The following TMOD2 variants were observed in gnomAD, a reference collection of about 807,000 sequenced individuals.
The protein encoded by TMOD2 is tropomodulin 2, also known as tropomodulin-2.
A neutral mutation model predicts 39.9 loss-of-function variants in TMOD2; 22 were observed. The ratio of observed to expected loss-of-function variants is 0.55; its 90% CI spans 0.39 to 0.79. TMOD2 has a LOEUF of 0.79. Ranked by LOEUF, TMOD2 falls within the 30% of genes least tolerant of loss-of-function variation. The pLI, the probability that TMOD2 is intolerant of heterozygous loss-of-function variation, is 0.00. For synonymous variants in TMOD2, 123 were observed against 146.1 expected (o/e 0.84, Z 1.14); for missense variants, 386 against 413.3 (o/e 0.93, Z 0.57).
intron 1 of TMOD2, among the ~76,000 whole-genome samples, chr15:51,752,018 G>C (rs1166994062): frequency 1.3e-5 from 2 of 151,806 alleles, no homozygotes; most frequent in Admixed American, 1.3e-4. Context: ...GGGAGGGCGC[G>C]GTCTCCTGTC....
At chr15:51,788,676 C>G (rs1595873333) in intron 7 of TMOD2, among the ~76,000 whole-genome samples, 1 of 152,040 alleles carries the variant, frequency 6.6e-6, no homozygotes, top group African/African-American at 2.4e-5. Flanking sequence ...GCGGATCTCT[C>G]AAGCCAGAAG....
At chr15:51,803,938 A>G (rs1233420057) in intron 8 of TMOD2, among the ~76,000 whole-genome samples, 2 of 152,274 alleles carry the variant, frequency 1.3e-5, no homozygotes, top group Non-Finnish European at 2.9e-5. Context: ...CACCAACTGT[A>G]TAGACAAAGA....
At chr15:51,795,237 A>G (rs977775795) in intron 7 of TMOD2, among the ~76,000 whole-genome samples, 2 of 152,126 alleles carry the variant, frequency 1.3e-5, no homozygotes, top group Admixed American at 6.5e-5. Flanking sequence ...CCTGGCCAAC[A>G]TGGTGAAACC....
rs149315070 is a variant in TMOD2, at chr15:51,768,301, A to G, written c.166A>G (p.Thr56Ala). Residue 56 changes from threonine (T) to alanine (A), a missense_variant, in exon 3 of 10, where the codon ACA becomes GCA. Transcript: ENST00000249700. Reference protein sequence around the residue: ...LPAGFRQKDQTQKAATGPFDR... With the variant: ...LPAGFRQKDQAQKAATGPFDR... Reference sequence around the variant, plus strand: ...AGCTGGATTTCGACAGAAAGACCAGACACAGAAGGCAGCCACCGGCCCCTT... The same window carrying G: ...AGCTGGATTTCGACAGAAAGACCAGGCACAGAAGGCAGCCACCGGCCCCTT... 198 of 1,614,070 alleles carry G rather than the reference A, an allele frequency of 1.2e-4. No homozygotes were observed. The highest frequency in any genetic ancestry group is 1.6e-4 in the Non-Finnish European group (187 of 1,180,036).
chr15:51,761,724 T>TAA (rs74717096), intron 1 of TMOD2, among the ~76,000 whole-genome samples: 2 of 139,122 alleles, frequency 1.4e-5, no homozygotes, highest in African/African-American at 2.6e-5. Flanking sequence ...ACCCTGTCTT[T>TAA]AAAAAAAAAA....
At chr15:51,772,883 G>T (rs2055862778) in intron 3 of TMOD2, among the ~76,000 whole-genome samples, 1 of 152,124 alleles carries the variant, frequency 6.6e-6, no homozygotes, top group African/African-American at 2.4e-5. Flanking sequence ...CCTAATATTT[G>T]CAGGGTCCAA....
At chr15:51,773,664 C>G in intron 3 of TMOD2, 48 bp from the exon 4 acceptor site, 14 of 1,552,968 alleles carry the variant, frequency 9.0e-6, no homozygotes, top group Non-Finnish European at 1.2e-5. Flanking sequence ...CTTACCCTAC[C>G]AATAAGGCAG....
In TMOD2 at chr15:51,811,127, T is replaced by C. The variant is rs954245326; in HGVS notation, c.*2673T>C. 1.3e-5 allele frequency: 2 copies of C among 152,160 alleles called. No individual in the cohort carries two copies. The highest frequency in any genetic ancestry group is 2.1e-4 in the South Asian group (1 of 4,826). 9.4% of individuals were successfully genotyped at this position (152,160 alleles called of 1,614,324 possible). On this transcript the variant is annotated 3_prime_UTR_variant, in exon 10 of 10. Transcript: ENST00000249700. ...TGGCATTTCCATGAGTGTGCACATA[T>C]TGATGATAACCCTTAGAAAAACATA...
intron 5 of TMOD2, among the ~76,000 whole-genome samples, chr15:51,780,727 A>T (rs2055923809): frequency 6.6e-6 from 1 of 152,212 alleles, no homozygotes; most frequent in Non-Finnish European, 1.5e-5. Context: ...ATAGTCTGAC[A>T]GATGTCCATA....
intron 9 of TMOD2, 59 bp downstream of exon 9, chr15:51,806,580 C>T: frequency 6.3e-7 from 1 of 1,586,056 alleles, no homozygotes; most frequent in Non-Finnish European, 8.6e-7. Flanking sequence ...TTCACTTCTC[C>T]ACTTCAGACG....
intron 3 of TMOD2, among the ~76,000 whole-genome samples, chr15:51,770,609 A>T (rs1007285359): frequency 2.6e-5 from 4 of 152,226 alleles, no homozygotes; most frequent in African/African-American, 9.6e-5. Flanking sequence ...TATTGTGCAC[A>T]TTCAGTGGAT....
At chr15:51,775,570 CTTTTTT>C (rs869308022) in intron 4 of TMOD2, among the ~76,000 whole-genome samples, 29 of 81,202 alleles carry the variant, frequency 3.6e-4, no homozygotes, top group African/African-American at 1.5e-3. Flanking sequence ...ATTCTTTTTC[CTTTTTT>C]TTTTTTTTTT....
chr15:51,793,708 T>C (rs889099914), intron 7 of TMOD2, among the ~76,000 whole-genome samples: 2 of 152,226 alleles, frequency 1.3e-5, no homozygotes, highest in South Asian at 4.1e-4. Context: ...CGCCCCTGTT[T>C]TGTTCAGCAC....
intron 8 of TMOD2, among the ~76,000 whole-genome samples, chr15:51,802,219 C>CA (rs542077368): frequency 8.7e-5 from 13 of 149,800 alleles, no homozygotes; most frequent in African/African-American, 1.5e-4. Context: ...TCCTCCCCCT[C>CA]AAAAAAAAAT....
chr15:51,785,109 T>A (rs1417760080), intron 7 of TMOD2: 2 of 152,202 alleles, frequency 1.3e-5, no homozygotes, highest in Admixed American at 1.3e-4. Flanking sequence ...TGTAACTTGC[T>A]TTTTAAAGAA....
intron 7 of TMOD2, among the ~76,000 whole-genome samples, chr15:51,788,470 CT>C (rs1377814561): frequency 6.6e-6 from 1 of 152,212 alleles, no homozygotes; most frequent in East Asian, 1.9e-4. Flanking sequence ...TCCAAGAGAA[CT>C]TCTGTAACCT....
At position 51,768,189 on chromosome 15, in the gene TMOD2, G is replaced by C. The variant is rs374557616; in HGVS notation, c.127-73G>C. The C allele has an allele frequency of 3.4e-5, 53 of 1,545,076 alleles. No individual in the cohort carries two copies. The East Asian group carries it at 7.0e-4, about 20-fold the overall frequency. ...CTGCTTCCCCAGCACATAGTGAGTG[G>C]GGGTGGAAGAGGAAGTAGCAAAGTA... On this transcript the variant is annotated intron_variant, in intron 2 of 9. Coordinates refer to ENST00000249700, the MANE Select transcript of TMOD2 (RefSeq NM_014548.4).
rs756417672 is a variant in TMOD2 at position 51,803,118 on chromosome 15, GA to G, written c.877-3258del. ...GGAAGAATGAAATAAAAGATGGTGG[GA>G]TAATTTGCTAGCATTTTGGAACAAA... is the stretch of plus-strand genomic sequence containing the variant. On this transcript the variant is annotated intron_variant, in intron 8 of 9. Transcript: ENST00000249700. Among the ~76,000 whole-genome samples the G allele has an allele frequency of 7.3e-5, 11 of 150,950 alleles. No homozygotes were observed. The East Asian group carries it at 1.4e-3, about 19-fold the overall frequency.
At position 51,815,609 on chromosome 15, in the gene TMOD2, G is replaced by A. The variant is rs1296661437; in HGVS notation, c.*7155G>A. 1 of 152,212 alleles carries A rather than the reference G, an allele frequency of 6.6e-6. No homozygotes were observed. Among genetic ancestry groups the A allele is most frequent in the Non-Finnish European group, 1.5e-5 (1 of 68,046 alleles). The allele number at this position is 152,212 out of a possible 1,614,324, so 9.4% of individuals were successfully genotyped here. A position where few individuals can be genotyped will look rare whatever the true frequency, so the allele number is the denominator to read the frequency against. On this transcript the variant is annotated 3_prime_UTR_variant, in exon 10 of 10. Coordinates refer to ENST00000249700, the MANE Select transcript of TMOD2 (RefSeq NM_014548.4). ...TTTATTTTAGTACCAAATGTTGCCAGTGACAATCTTCAGTTAAGAAGTAAG... is the reference window on the plus strand; with the variant it reads ...TTTATTTTAGTACCAAATGTTGCCAATGACAATCTTCAGTTAAGAAGTAAG...
Sources: gnomAD v4.1 joint callset for allele counts (sites outside exome capture counted in the v4.1 genomes callset) on GRCh38, gnomAD v4.1.1 for gene constraint, MANE v1.5 for transcripts, NCBI Gene and HGNC (gene_info 2026-07-23, HGNC 2026-07-21) for gene names.